CPPED1: variants seen among roughly 807,000 people sequenced by gnomAD.
CPPED1 encodes serine/threonine-protein phosphatase CPPED1.
Under a neutral mutation model 28.0 loss-of-function variants are expected in CPPED1, and 28 were observed. The ratio of observed to expected loss-of-function variants is 1.00; its 90% CI spans 0.74 to 1.37. The LOEUF is 1.37. Ranked by LOEUF, CPPED1 falls within the 40% of genes most tolerant of loss-of-function variation. CPPED1 has a pLI of 0.00. For missense variants in CPPED1, 504 were observed against 416.5 expected (o/e 1.21, Z -1.83); for synonymous variants, 198 against 180.2 (o/e 1.10, Z -0.79).
At chr16:12,717,109 T>C (rs570723741) in intron 2 of CPPED1, among the ~76,000 whole-genome samples, 4 of 151,684 alleles carry the variant, frequency 2.6e-5, no homozygotes, top group Non-Finnish European at 5.9e-5. Context: ...GGTGGAGAGG[T>C]TTAAAAAAAA....
rs35322378 is a variant in CPPED1, at chr16:12,768,867, C to CTTT, written c.289+12315_289+12317dup. On this transcript the variant is annotated intron_variant, in intron 2 of 3. Transcript: ENST00000381774. ...AAACTCACTGCCATTTTTTCTTTTT[C>CTTT]TTTTTTTTTTTTTTTGAGACGGAGT... 4.4e-4 allele frequency among the ~76,000 whole-genome samples: 61 copies of CTTT among 138,042 alleles called. 1 individual carries two copies. The highest frequency in any genetic ancestry group is 6.2e-4 in the Non-Finnish European group (40 of 64,210). The allele number at this position is 138,042 out of a possible 152,430, so 90.6% of individuals were successfully genotyped here.
At chr16:12,700,336 G>A (rs1215126443) in intron 3 of CPPED1, among the ~76,000 whole-genome samples, 1 of 152,162 alleles carries the variant, frequency 6.6e-6, no homozygotes, top group East Asian at 1.9e-4. Flanking sequence ...GAGCCAGCCT[G>A]GGGACCAGAG....
chr16:12,755,473 G>A (rs2080360108), intron 2 of CPPED1, among the ~76,000 whole-genome samples: 1 of 151,378 alleles, frequency 6.6e-6, no homozygotes, highest in South Asian at 2.1e-4. Context: ...GTAGAGATGG[G>A]GTCTCACTAT....
At chr16:12,681,713 G>A (rs1025076024) in intron 3 of CPPED1, among the ~76,000 whole-genome samples, 2 of 152,096 alleles carry the variant, frequency 1.3e-5, no homozygotes, top group African/African-American at 2.4e-5. Context: ...GAGAAAGAGT[G>A]GATGGAAGAG....
chr16:12,751,218 C>T (rs1596471144), intron 2 of CPPED1, among the ~76,000 whole-genome samples: 1 of 152,300 alleles, frequency 6.6e-6, no homozygotes, highest in East Asian at 1.9e-4. Flanking sequence ...GGAGAGGTGG[C>T]TACCTTCCTA....
chr16:12,742,737 C>T lies in CPPED1; in HGVS notation c.290-37688G>A, dbSNP rs146888774. On this transcript the variant is annotated intron_variant, in intron 2 of 3. Coordinates refer to ENST00000381774, the MANE Select transcript of CPPED1 (RefSeq NM_018340.3). ...AGTTATTTTATTATCAGTGGGGAAA[C>T]GACAGTTGTTGGGGATCCCAAAGAT... is the stretch of plus-strand genomic sequence containing the variant. Among the ~76,000 whole-genome samples the T allele has an allele frequency of 5.8e-4, 88 of 152,204 alleles. No individual in the cohort carries two copies. The East Asian group carries it at 8.9e-3, about 15-fold the overall frequency.
Position 12,664,444 on chromosome 16 carries a change from C to A in CPPED1, c.*442G>T. 9.9e-7 allele frequency: 1 copy of A among 1,007,902 alleles called. No homozygotes were observed. The highest frequency in any genetic ancestry group is 4.0e-5 in the South Asian group (1 of 24,876). The allele number at this position is 1,007,902 out of a possible 1,614,324, so 62.4% of individuals were successfully genotyped here. Reference sequence around the variant, plus strand: ...AGGAGATGAACTTTGTTTTGCCTAGCGTTTTGGGAATCGTGACCACAATTT... The same window carrying A: ...AGGAGATGAACTTTGTTTTGCCTAGAGTTTTGGGAATCGTGACCACAATTT... On this transcript the variant is annotated 3_prime_UTR_variant, in exon 4 of 4. Transcript: ENST00000381774. The surrounding 1 kb of genome is among the most constrained non-coding windows in gnomAD (Gnocchi z 4.2).
chr16:12,767,314 T>C (rs962905934), intron 2 of CPPED1, among the ~76,000 whole-genome samples: 1 of 152,168 alleles, frequency 6.6e-6, no homozygotes, highest in Non-Finnish European at 1.5e-5. Flanking sequence ...TCATCTTTTC[T>C]CCATCTTTTT....
chr16:12,711,979 C>G (rs540480463), intron 2 of CPPED1, among the ~76,000 whole-genome samples: 1 of 152,274 alleles, frequency 6.6e-6, no homozygotes, highest in South Asian at 2.1e-4. Flanking sequence ...ATCTCCCTCC[C>G]ATTTTCCTCA....
intron 2 of CPPED1, among the ~76,000 whole-genome samples, chr16:12,728,343 T>C (rs560740138): frequency 2.0e-4 from 31 of 152,212 alleles, no homozygotes; most frequent in Non-Finnish European, 4.1e-4. Flanking sequence ...AAATACTATT[T>C]GTTATATTAA....
chr16:12,712,431 A>G (rs1193190069), intron 2 of CPPED1, among the ~76,000 whole-genome samples: 1 of 152,230 alleles, frequency 6.6e-6, no homozygotes, highest in Non-Finnish European at 1.5e-5. Flanking sequence ...ATATTGAGTG[A>G]GCCAGCAGTT....
At chr16:12,672,779 C>T (rs1340841160) in intron 3 of CPPED1, among the ~76,000 whole-genome samples, 2 of 151,926 alleles carry the variant, frequency 1.3e-5, no homozygotes, top group South Asian at 2.1e-4. Context: ...TTTTGGAGGC[C>T]GAGGTGGGCA....
At chr16:12,674,547 T>C (rs369646022) in intron 3 of CPPED1, among the ~76,000 whole-genome samples, 133 of 151,408 alleles carry the variant, frequency 8.8e-4, no homozygotes, top group African/African-American at 3.1e-3. Flanking sequence ...CCAGGTGGAG[T>C]GAAAGGAGGC....
intron 2 of CPPED1, among the ~76,000 whole-genome samples, chr16:12,744,015 A>C (rs1344400805): frequency 2.6e-5 from 4 of 151,862 alleles, no homozygotes; most frequent in African/African-American, 4.8e-5. Flanking sequence ...GGTGGCTCAC[A>C]CCTGTAATCT....
intron 1 of CPPED1, among the ~76,000 whole-genome samples, chr16:12,795,214 A>G (rs1472675319): frequency 6.6e-6 from 1 of 152,266 alleles, no homozygotes; most frequent in African/African-American, 2.4e-5. Context: ...GAAGCCCCAG[A>G]TGCAAAGAGA....
chr16:12,711,535 C>T (rs2080079880), intron 2 of CPPED1, among the ~76,000 whole-genome samples: 1 of 152,166 alleles, frequency 6.6e-6, no homozygotes, highest in African/African-American at 2.4e-5. Flanking sequence ...AAGAAACCAC[C>T]AAAGTTATCA....
rs1325169594 is a variant in CPPED1, at chr16:12,709,240, G to C, written c.290-4191C>G. 1.3e-5 allele frequency among the ~76,000 whole-genome samples: 2 copies of C among 152,192 alleles called. No individual in the cohort carries two copies. The highest frequency in any genetic ancestry group is 2.9e-5 in the Non-Finnish European group (2 of 68,044). ...ACAAAAAGAATGTATATAAAGGACA[G>C]GAAGAAAGGCAGGGAAACAAGGGGA... On this transcript the variant is annotated intron_variant, in intron 2 of 3. Transcript: ENST00000381774. The surrounding 1 kb of genome is among the most constrained non-coding windows in gnomAD (Gnocchi z 4.4).
intron 3 of CPPED1, among the ~76,000 whole-genome samples, chr16:12,674,222 A>G (rs1176214178): frequency 1.3e-5 from 2 of 152,174 alleles, no homozygotes; most frequent in Non-Finnish European, 2.9e-5. Context: ...ATGAGTTTAC[A>G]AAGAGACGGT....
chr16:12,705,364 T>C (rs776329375), intron 2 of CPPED1, among the ~76,000 whole-genome samples: 3 of 152,144 alleles, frequency 2.0e-5, no homozygotes, highest in Non-Finnish European at 2.9e-5. Context: ...GGCTCACACC[T>C]GTAATACCAA....
Sources: gnomAD v4.1 joint callset for allele counts (sites outside exome capture counted in the v4.1 genomes callset) on GRCh38, gnomAD v4.1.1 for gene constraint, Gnocchi (gnomAD v3.1) non-coding constraint, MANE v1.5 for transcripts, NCBI Gene and HGNC (gene_info 2026-07-23, HGNC 2026-07-21) for gene names.